TGM5: variants seen among roughly 807,000 people sequenced by gnomAD.
TGM5 encodes transglutaminase 5, also known as protein-glutamine gamma-glutamyltransferase 5.
Under a neutral mutation model 77.2 loss-of-function variants are expected in TGM5, and 69 were observed. The observed-to-expected ratio is 0.89, with a 90% CI of 0.74 to 1.09. The LOEUF (loss-of-function observed/expected upper bound fraction) is 1.09. Ranked by LOEUF, TGM5 falls within the 50% of genes least tolerant of loss-of-function variation. The probability of loss-of-function intolerance (pLI) is 0.00; values close to 1 mark genes in which losing one functional copy is unlikely to be tolerated. For synonymous variants in TGM5, 346 were observed against 351.8 expected, an observed-to-expected ratio of 0.98 and a Z score of 0.18; for missense variants, 842 against 896.5, an observed-to-expected ratio of 0.94 and a Z score of 0.78.
chr15:43,239,231 C>T lies in TGM5; in HGVS notation c.1037G>A (p.Arg346Gln), dbSNP rs769556674. ...FHVWNECWMA[R>Q]KDLPPAYGGW... ...TCCATATGCAGGGGGCAGATCCTTC[C>T]GGGCCATCCAGCACTCATTCCAGAC... The change falls in exon 8 of 13, where the codon CGG (arginine) becomes CAG (glutamine). Residue 346 changes from arginine (R) to glutamine (Q), a missense_variant. Arg to Gln is a conservative substitution (Grantham distance 43, BLOSUM62 1). Around this residue, in one of 2 missense-constraint regions of TGM5, gnomAD observed 815 missense variants for 844.6 expected, o/e 0.96. Transcript: ENST00000220420. 20 of 1,614,142 alleles carry T rather than the reference C, an allele frequency of 1.2e-5. No individual in the cohort carries two copies. Among genetic ancestry groups the T allele is most frequent in the African/African-American group, 4.0e-5 (3 of 75,026 alleles).
intron 6 of TGM5, among the ~76,000 whole-genome samples, chr15:43,244,186 A>G (rs1161870778): frequency 6.6e-6 from 1 of 152,116 alleles, no homozygotes; most frequent in Non-Finnish European, 1.5e-5. Flanking sequence ...ACATTTCAGC[A>G]CTGGATTCGG....
chr15:43,240,794 C>T, intron 7 of TGM5, 58 bp downstream of exon 7: 2 of 1,610,626 alleles, frequency 1.2e-6, no homozygotes, highest in South Asian at 1.1e-5. Flanking sequence ...CTTCCTCCTG[C>T]CATGGGGCTT....
chr15:43,235,313 G>T (rs557016001), intron 10 of TGM5, among the ~76,000 whole-genome samples, 156 bp downstream of exon 10: 102 of 151,074 alleles, frequency 6.8e-4, no homozygotes, highest in African/African-American at 2.5e-3. Context: ...AAGGAAGGAA[G>T]GGGGAAGGAG....
chr15:43,246,764 CTG>C (rs909288472), intron 6 of TGM5, among the ~76,000 whole-genome samples: 8 of 152,260 alleles, frequency 5.3e-5, no homozygotes, highest in African/African-American at 1.4e-4. Flanking sequence ...GAGTGGTAAT[CTG>C]TGCAAGCATG....
At position 43,252,886 on chromosome 15, in the gene TGM5, A is replaced by T. The variant is rs1189097978; in HGVS notation, c.735T>A (p.Asn245Lys). 1.2e-6 allele frequency: 2 copies of T among 1,613,836 alleles called. No individual in the cohort carries two copies. The highest frequency in any genetic ancestry group is 2.2e-5 in the East Asian group (1 of 44,884). The change falls in exon 6 of 13, where the codon AAT becomes AAA. Residue 245 changes from asparagine to lysine, a missense_variant. Asn to Lys is a moderately conservative substitution (Grantham distance 94). Transcript: ENST00000220420. ...CCGCAGGGTTGGCGCCGTCTGTGTAATTCTCACTCCAGTTTCCATTGAGCA... is the reference window on the plus strand; with the variant it reads ...CCGCAGGGTTGGCGCCGTCTGTGTATTTCTCACTCCAGTTTCCATTGAGCA... ...NGVLNGNWSE[N>K]YTDGANPAEW...
rs1344789730 is a variant in TGM5 at position 43,260,571 on chromosome 15, C to A, written c.19G>T (p.Val7Leu). Residue 7 changes from valine to leucine, a missense_variant, in exon 2 of 13, where the codon GTG (valine) becomes TTG (leucine). Physicochemically the swap from Val to Leu is conservative, Grantham distance 32 (BLOSUM62 1). Transcript: ENST00000220420. MAQGLE[V>L]ALTDLQSSRN... ...GAGCTCTGGAGGTCTGTGAGGGCCACTTCTAGCCCTGCAATGGGGCAGCCA... is the reference window on the plus strand; with the variant it reads ...GAGCTCTGGAGGTCTGTGAGGGCCAATTCTAGCCCTGCAATGGGGCAGCCA... The A allele has an allele frequency of 6.2e-7, 1 of 1,614,140 alleles. No individual in the cohort carries two copies. Among genetic ancestry groups the A allele is most frequent in the South Asian group, 1.1e-5 (1 of 91,074 alleles).
chr15:43,239,746 C>T (rs1223875682), intron 7 of TGM5: 1 of 194,074 alleles, frequency 5.2e-6, no homozygotes, highest in Non-Finnish European at 1.1e-5. Context: ...GAGTCTCCCT[C>T]TGCGGACTCA....
Position 43,235,822 on chromosome 15 carries a change from C to T in TGM5, c.1361G>A (p.Arg454Lys), listed in dbSNP as rs1426424724. The T allele has an allele frequency of 6.2e-7, 1 of 1,614,016 alleles. No homozygotes were observed. The highest frequency in any genetic ancestry group is 8.5e-7 in the Non-Finnish European group (1 of 1,180,030). Residue 454 changes from arginine to lysine, a missense_variant, in exon 10 of 13, where the codon AGG (arginine) becomes AAG (lysine). Physicochemically the swap from Arg to Lys is conservative, Grantham distance 26. Coordinates refer to ENST00000220420, the MANE Select transcript of TGM5 (RefSeq NM_201631.4). ...CTGCAGAGCCTTCAGAAACACCTGCCTCTCCTGGAGGGATCCTGAAGTTGG... is the reference window on the plus strand; with the variant it reads ...CTGCAGAGCCTTCAGAAACACCTGCTTCTCCTGGAGGGATCCTGAAGTTGG... Reference protein sequence around the residue: ...YKYEEGSLQERQVFLKALQKL... With the variant: ...YKYEEGSLQEKQVFLKALQKL...
In TGM5 at chr15:43,252,905, T is replaced by A; in HGVS notation, c.716A>T (p.Asn239Ile). The change falls in exon 6 of 13, where the codon AAT becomes ATT. Residue 239 changes from asparagine (N) to isoleucine (I), a missense_variant. Physicochemically the swap from Asn to Ile is moderately radical, Grantham distance 149. Around this residue, in one of 2 missense-constraint regions of TGM5, gnomAD observed 815 missense variants for 844.6 expected, o/e 0.96. Transcript: ENST00000220420. ...TGTGTAATTCTCACTCCAGTTTCCA[T>A]TGAGCACCCCATTATCATCATTGCT... ...INSNDDNGVL[N>I]GNWSENYTDG... The A allele has an allele frequency of 1.2e-6, 2 of 1,613,772 alleles. No homozygotes were observed. The highest frequency in any genetic ancestry group is 1.7e-6 in the Non-Finnish European group (2 of 1,180,040).
At position 43,252,906 on chromosome 15, in the gene TGM5, T is replaced by A. The variant is rs1177396133; in HGVS notation, c.715A>T (p.Asn239Tyr). The A allele has an allele frequency of 6.2e-7, 1 of 1,613,652 alleles. No homozygotes were observed. The highest frequency in any genetic ancestry group is 1.7e-5 in the Admixed American group (1 of 60,004). Reference sequence around the variant, plus strand: ...GTGTAATTCTCACTCCAGTTTCCATTGAGCACCCCATTATCATCATTGCTG... The same window carrying A: ...GTGTAATTCTCACTCCAGTTTCCATAGAGCACCCCATTATCATCATTGCTG... ...INSNDDNGVL[N>Y]GNWSENYTDG... is the part of the protein sequence containing the mutation. The change falls in exon 6 of 13, where the codon AAT becomes TAT. Residue 239 changes from asparagine (N) to tyrosine (Y), a missense_variant. Physicochemically the swap from Asn to Tyr is moderately radical, Grantham distance 143. Transcript: ENST00000220420.
intron 6 of TGM5, among the ~76,000 whole-genome samples, chr15:43,250,572 CAT>C (rs1279335401): frequency 6.6e-6 from 1 of 152,130 alleles, no homozygotes; most frequent in African/African-American, 2.4e-5. Flanking sequence ...GAAATAATAA[CAT>C]ATATATTTTC....
chr15:43,240,577 A>G (rs1340030164), intron 7 of TGM5, among the ~76,000 whole-genome samples: 1 of 151,752 alleles, frequency 6.6e-6, no homozygotes, highest in South Asian at 2.1e-4. Context: ...TCTGTGATGG[A>G]GGTGACAAAG....
chr15:43,244,792 G>T (rs2042659821), intron 6 of TGM5, among the ~76,000 whole-genome samples: 1 of 152,200 alleles, frequency 6.6e-6, no homozygotes, highest in East Asian at 1.9e-4. Context: ...ATGGGGCCAG[G>T]CACAGTGGCT....
rs751828649 is a variant in TGM5 at position 43,253,550 on chromosome 15, G to A, written c.640C>T (p.Leu214=). ...CTGACGTAGACGGGGCTTCCCCGCAGAGCACAGTCTGTGGCTGGGTCAGTC... is the reference window on the plus strand; with the variant it reads ...CTGACGTAGACGGGGCTTCCCCGCAAAGCACAGTCTGTGGCTGGGTCAGTC... The part of the protein sequence containing the change: ...FQTDPATDCA[L]RGSPVYVSRV... Residue 214 remains leucine (L), a synonymous_variant, in exon 5 of 13, where the codon CTG becomes TTG. Transcript: ENST00000220420. The A allele has an allele frequency of 1.2e-6, 2 of 1,613,706 alleles. No individual in the cohort carries two copies. Among genetic ancestry groups the A allele is most frequent in the Non-Finnish European group, 8.5e-7 (1 of 1,179,976 alleles).
intron 6 of TGM5, among the ~76,000 whole-genome samples, chr15:43,246,219 A>T (rs997640182): frequency 3.3e-5 from 5 of 152,200 alleles, no homozygotes; most frequent in African/African-American, 1.2e-4. Context: ...CAAAAAAGTC[A>T]CATATTGAAT....
At chr15:43,248,858 A>T (rs749041449) in intron 6 of TGM5, among the ~76,000 whole-genome samples, 1 of 152,232 alleles carries the variant, frequency 6.6e-6, no homozygotes, top group Admixed American at 6.5e-5. Context: ...AGGCCCCTAC[A>T]TAATTGAGTT....
chr15:43,235,565 T>C lies in TGM5; in HGVS notation c.1618A>G (p.Lys540Glu). The stretch of plus-strand genomic sequence containing the variant: ...AGAGACTGGGCACTCAGGTTCACTT[T>C]GAGGTCCTTGAACTGGGAGGACATG... ...LNMSSQFKDL[K>E]VNLSAQSLLH... The change falls in exon 10 of 13, where the codon AAA (lysine) becomes GAA (glutamate). Residue 540 changes from lysine (K) to glutamate (E), a missense_variant. By Grantham distance (56) the Lys-to-Glu change is moderately conservative. This residue lies in a region of TGM5 where 815 missense variants were observed against 844.6 expected (regional missense o/e 0.96). Coordinates refer to ENST00000220420, the MANE Select transcript of TGM5 (RefSeq NM_201631.4). 1 of 1,614,196 alleles carries C rather than the reference T, an allele frequency of 6.2e-7. No homozygotes were observed. Among genetic ancestry groups the C allele is most frequent in the South Asian group, 1.1e-5 (1 of 91,086 alleles).
At chr15:43,259,762 T>C (rs1566836732) in intron 3 of TGM5, among the ~76,000 whole-genome samples, 1 of 152,232 alleles carries the variant, frequency 6.6e-6, no homozygotes, top group Non-Finnish European at 1.5e-5. Context: ...AATACTCTAG[T>C]TAACTTAAAA....
Position 43,239,636 on chromosome 15 carries a change from T to C in TGM5, c.1002-370A>G, listed in dbSNP as rs1596442452. The C allele has an allele frequency of 9.2e-6, 3 of 327,338 alleles. No homozygotes were observed. In the East Asian group the frequency reaches 2.3e-4, roughly 26 times the overall value. 20.3% of individuals were successfully genotyped at this position (327,338 alleles called of 1,614,324 possible). On this transcript the variant is annotated intron_variant, in intron 7 of 12. Coordinates refer to ENST00000220420, the MANE Select transcript of TGM5 (RefSeq NM_201631.4). ...CAAGGCTTGACCTTGATCATACCACTGTGCTCCAGCCTGGGCAGCAAAGCC... is the reference window on the plus strand; with the variant it reads ...CAAGGCTTGACCTTGATCATACCACCGTGCTCCAGCCTGGGCAGCAAAGCC...
Sources: gnomAD v4.1 joint callset for allele counts (sites outside exome capture counted in the v4.1 genomes callset) on GRCh38, gnomAD v4.1.1 for gene constraint, gnomAD v4.1.1 regional missense constraint, MANE v1.5 for transcripts, NCBI Gene and HGNC (gene_info 2026-07-23, HGNC 2026-07-21) for gene names.